Variants in PNRC2 observed in about 807,000 individuals in gnomAD.
The protein encoded by PNRC2 is proline rich nuclear receptor coactivator 2, also known as proline-rich nuclear receptor coactivator 2.
In PNRC2, 2 loss-of-function variants were observed where a neutral mutation model predicts 12.2. That is an observed-to-expected ratio of 0.16 (90% CI 0.07 to 0.52). The LOEUF (loss-of-function observed/expected upper bound fraction) is 0.52, where lower values mean the gene tolerates loss of function less well. Among genes scored for constraint, PNRC2 ranks in the 20% least tolerant of loss-of-function variants. The pLI, the probability that PNRC2 is intolerant of heterozygous loss-of-function variation, is 0.95. For missense variants in PNRC2, 115 were observed against 158.4 expected (o/e 0.73, Z 1.47); for synonymous variants, 44 against 53.9 (o/e 0.82, Z 0.80).
At chr1:23,960,705 TGGAG>T (rs1641260865) in intron 1 of PNRC2, among the ~76,000 whole-genome samples, 1 of 152,184 alleles carries the variant, frequency 6.6e-6, no homozygotes, top group African/African-American at 2.4e-5. Flanking sequence ...TTGCGGGACT[TGGAG>T]ACACTTACAA....
At position 23,963,084 on chromosome 1, in the gene PNRC2, T is replaced by C. The variant is rs1641311716; in HGVS notation, c.*1207T>C. 1.2e-5 allele frequency: 2 copies of C among 166,964 alleles called. No homozygotes were observed. Among genetic ancestry groups the C allele is most frequent in the Non-Finnish European group, 2.9e-5 (2 of 68,068 alleles). The allele number at this position is 166,964 out of a possible 1,614,324, so 10.3% of individuals were successfully genotyped here. A position where few individuals can be genotyped will look rare whatever the true frequency, so the allele number is the denominator to read the frequency against. On this transcript the variant is annotated 3_prime_UTR_variant, in exon 3 of 3. Coordinates refer to ENST00000334351, the MANE Select transcript of PNRC2 (RefSeq NM_017761.4). ...TTCGAGTATGGTGCCAGTGATGTTT[T>C]GTTTTTGTTTGGTCAAGGGGTAGGT...
chr1:23,963,388 T>A lies in PNRC2; in HGVS notation c.*1511T>A, dbSNP rs2148488643. 1 of 153,058 alleles carries A rather than the reference T, an allele frequency of 6.5e-6. No homozygotes were observed. Among genetic ancestry groups the A allele is most frequent in the South Asian group, 2.2e-4 (1 of 4,530 alleles). 9.5% of individuals were successfully genotyped at this position (153,058 alleles called of 1,614,324 possible). ...CCTAAAGACAAGTTTATGTAGTACT[T>A]AATGTACATGATATGAATGTGAAGC... On this transcript the variant is annotated 3_prime_UTR_variant, in exon 3 of 3. Transcript: ENST00000334351.
In PNRC2 at chr1:23,961,872, G is replaced by T. The variant is rs766889395; in HGVS notation, c.415G>T (p.Val139Leu). ...ACTTAAAACCTTACTTAAAGTACAG[G>T]TATAAAATAAGACAAATGTTTAAAT... Reference protein sequence around the residue: ...FQLKTLLKVQV With the variant: ...FQLKTLLKVQL Residue 139 changes from valine (V) to leucine (L), a missense_variant, in exon 3 of 3, where the codon GTA (valine) becomes TTA (leucine). This residue lies in a region of PNRC2 where 17 missense variants were observed against 46.0 expected (regional missense o/e 0.37). Coordinates refer to ENST00000334351, the MANE Select transcript of PNRC2 (RefSeq NM_017761.4). 60 of 1,520,306 alleles carry T rather than the reference G, an allele frequency of 3.9e-5. No individual in the cohort carries two copies. The highest frequency in any genetic ancestry group is 8.4e-5 in the African/African-American group (6 of 71,522). The allele number at this position is 1,520,306 out of a possible 1,614,324, so 94.2% of individuals were successfully genotyped here. A position where few individuals can be genotyped will look rare whatever the true frequency, so the allele number is the denominator to read the frequency against.
At chr1:23,959,472 C>T (rs1427811611), upstream of PNRC2, among the ~76,000 whole-genome samples, 1 of 152,240 alleles carries the variant, frequency 6.6e-6, no homozygotes, top group Non-Finnish European at 1.5e-5. Flanking sequence ...CAAACGTCCC[C>T]CGCCGGTCAG....
chr1:23,962,329 T>C lies in PNRC2; in HGVS notation c.*452T>C, dbSNP rs1485342250. On this transcript the variant is annotated 3_prime_UTR_variant, in exon 3 of 3. Transcript: ENST00000334351. Reference sequence around the variant, plus strand: ...TGCACTGCTGAAAGAAAATGTGAATTTTTCGTAATAATTGCATTTTAGTGA... The same window carrying C: ...TGCACTGCTGAAAGAAAATGTGAATCTTTCGTAATAATTGCATTTTAGTGA... The C allele has an allele frequency of 5.9e-6, 1 of 170,338 alleles. No individual in the cohort carries two copies. Among genetic ancestry groups the C allele is most frequent in the Non-Finnish European group, 1.4e-5 (1 of 70,204 alleles). 10.6% of individuals were successfully genotyped at this position (170,338 alleles called of 1,614,324 possible).
chr1:23,960,153 G>C (rs1038055358), intron 1 of PNRC2, among the ~76,000 whole-genome samples, 155 bp downstream of exon 1: 3 of 152,224 alleles, frequency 2.0e-5, no homozygotes, highest in African/African-American at 7.2e-5. Context: ...GCTCCGGAGA[G>C]ATGGGGCCAC....
At chr1:23,959,383 C>T, upstream of PNRC2, 1 of 152,426 alleles carries the variant, frequency 6.6e-6, no homozygotes, top group Non-Finnish European at 1.5e-5. Flanking sequence ...GAGGGGGCTG[C>T]GCCCTGGCAA....
At chr1:23,960,323 T>C (rs1570750531) in intron 1 of PNRC2, among the ~76,000 whole-genome samples, 1 of 152,258 alleles carries the variant, frequency 6.6e-6, no homozygotes, top group South Asian at 2.1e-4. Context: ...TGGTAACTTA[T>C]TTTCTTGGAA....
chr1:23,961,322 GTTA>G (rs34308423), intron 2 of PNRC2, 115 bp from the exon 3 acceptor site: 337,774 of 721,758 alleles, frequency 0.47, 80,409 homozygotes, highest in South Asian at 0.63. Flanking sequence ...TGAATAGCCT[GTTA>G]TTGAGTCTTG....
chr1:23,961,301 TTTAAAGCAGCTGAATA>T (rs2148487704), intron 2 of PNRC2, 123 bp from the exon 3 acceptor site: 1 of 600,244 alleles, frequency 1.7e-6, no homozygotes, highest in East Asian at 2.8e-5. Flanking sequence ...CTTTTTTGAG[TTTAAAGCAGCTGAATA>T]GCCTGTTATT....
At chr1:23,960,034 G>C (rs1249073328) in intron 1 of PNRC2, 36 bp downstream of exon 1, 2 of 152,204 alleles carry the variant, frequency 1.3e-5, no homozygotes, top group Non-Finnish European at 2.9e-5. Flanking sequence ...CGGCCATGTT[G>C]GTGGCCGCGC....
In PNRC2 at chr1:23,961,985, A is replaced by C. The variant is rs1238466021; in HGVS notation, c.*108A>C. 48 of 677,904 alleles carry C rather than the reference A, an allele frequency of 7.1e-5. No homozygotes were observed. Among genetic ancestry groups the C allele is most frequent in the Admixed American group, 8.7e-5 (3 of 34,290 alleles). The allele number at this position is 677,904 out of a possible 1,614,324, so 42.0% of individuals were successfully genotyped here. ...TGTAGAACTAATTAATGTAAAAAAA[A>C]TAGACCATCTCGTGTTGTGTGCACT... On this transcript the variant is annotated 3_prime_UTR_variant, in exon 3 of 3. Coordinates refer to ENST00000334351, the MANE Select transcript of PNRC2 (RefSeq NM_017761.4).
chr1:23,959,663 GGCA>G (rs1641239519), upstream of PNRC2: 1 of 152,562 alleles, frequency 6.6e-6, no homozygotes, highest in South Asian at 2.1e-4. Context: ...CTCCTCCCCG[GGCA>G]GATTTCAAAC....
At chr1:23,960,456 G>C (rs1641255937) in intron 1 of PNRC2, among the ~76,000 whole-genome samples, 1 of 152,192 alleles carries the variant, frequency 6.6e-6, no homozygotes, top group African/African-American at 2.4e-5. Flanking sequence ...GGGAGGAGGC[G>C]AGAGCGTTCA....
intron 2 of PNRC2, 118 bp from the exon 3 acceptor site, chr1:23,961,322 G>C (rs111522936): frequency 0.047 from 34,314 of 722,882 alleles, 1,482 homozygotes; most frequent in African/African-American, 0.18. Flanking sequence ...TGAATAGCCT[G>C]TTATTGAGTC....
Position 23,960,954 on chromosome 1 carries a change from C to T in PNRC2, c.-199C>T. 2.5e-6 allele frequency: 1 copy of T among 399,334 alleles called. No homozygotes were observed. 24.7% of individuals were successfully genotyped at this position (399,334 alleles called of 1,614,324 possible). On this transcript the variant is annotated 5_prime_UTR_variant, in exon 2 of 3. Transcript: ENST00000334351. ...CTAGGACTTCTCTCAAACTTGTGTG[C>T]TGAGGAGACTCAGATGTTGGCCTCA...
At position 23,960,666 on chromosome 1, in the gene PNRC2, T is replaced by A. The variant is rs919588567; in HGVS notation, c.-224-263T>A. ...ATACGCGAGAGAATCTGAAGGTCTT[T>A]CCCAGGAAAAAGATAAAGATAAAAC... On this transcript the variant is annotated intron_variant, in intron 1 of 2. Coordinates refer to ENST00000334351, the MANE Select transcript of PNRC2 (RefSeq NM_017761.4). Among the ~76,000 whole-genome samples the A allele has an allele frequency of 2.3e-3, 349 of 152,302 alleles. 4 individuals are homozygous for A. The highest frequency in any genetic ancestry group is 8.1e-3 in the African/African-American group (336 of 41,552).
intron 1 of PNRC2, 124 bp from the exon 2 acceptor site, chr1:23,960,805 A>G: frequency 2.5e-6 from 1 of 392,678 alleles, no homozygotes; most frequent in Non-Finnish European, 4.5e-6. Context: ...CCATCTTACG[A>G]GAAATTTTCT....
At position 23,963,421 on chromosome 1, in the gene PNRC2, T is replaced by C. The variant is rs1243334457; in HGVS notation, c.*1544T>C. ...ATGATATGAATGTGAAGCATAAAAT[T>C]AAATAAAATTTTTCCCCATTGGCTT... On this transcript the variant is annotated 3_prime_UTR_variant, in exon 3 of 3. Coordinates refer to ENST00000334351, the MANE Select transcript of PNRC2 (RefSeq NM_017761.4). 2 of 166,088 alleles carry C rather than the reference T, an allele frequency of 1.2e-5. No individual in the cohort carries two copies. The highest frequency in any genetic ancestry group is 4.8e-5 in the African/African-American group (2 of 41,414). The allele number at this position is 166,088 out of a possible 1,614,324, so 10.3% of individuals were successfully genotyped here. A position where few individuals can be genotyped will look rare whatever the true frequency, so the allele number is the denominator to read the frequency against.
Sources: gnomAD v4.1 joint callset for allele counts (sites outside exome capture counted in the v4.1 genomes callset) on GRCh38, gnomAD v4.1.1 for gene constraint, gnomAD v4.1.1 regional missense constraint, MANE v1.5 for transcripts, NCBI Gene and HGNC (gene_info 2026-07-23, HGNC 2026-07-21) for gene names.